Variants in EIPR1 observed in about 807,000 individuals in gnomAD.
EIPR1 encodes EARP and GARP complex-interacting protein 1.
In EIPR1, 25 loss-of-function variants were observed where a neutral mutation model predicts 48.1. That is an observed-to-expected ratio of 0.52 (90% CI 0.38 to 0.73). The LOEUF is 0.73. EIPR1 is among the 30% of genes least tolerant of loss of function. The probability of loss-of-function intolerance (pLI) is 0.00; values close to 1 mark genes in which losing one functional copy is unlikely to be tolerated. For missense variants in EIPR1, 415 were observed against 506.2 expected (o/e 0.82, Z 1.73); for synonymous variants, 204 against 201.9 (o/e 1.01, Z -0.09).
chr2:3,364,015 G>A (rs1471698043), intron 1 of EIPR1, among the ~76,000 whole-genome samples: 1 of 152,174 alleles, frequency 6.6e-6, no homozygotes, highest in African/African-American at 2.4e-5. Flanking sequence ...GAAAATAGCA[G>A]ATGCTGGCAA....
intron 3 of EIPR1, among the ~76,000 whole-genome samples, chr2:3,314,389 A>G (rs1172690014): frequency 3.3e-5 from 5 of 152,164 alleles, no homozygotes; most frequent in African/African-American, 1.2e-4. Context: ...TCTTTGCCAC[A>G]TCATTTTACA....
At chr2:3,308,874 A>C (rs1669036211) in intron 3 of EIPR1, among the ~76,000 whole-genome samples, 1 of 152,244 alleles carries the variant, frequency 6.6e-6, no homozygotes, top group South Asian at 2.1e-4. Context: ...GTCAACCTTG[A>C]AGTTTATATT....
At chr2:3,275,353 A>T (rs878917480) in intron 3 of EIPR1, among the ~76,000 whole-genome samples, 2 of 152,330 alleles carry the variant, frequency 1.3e-5, no homozygotes, top group Admixed American at 6.5e-5. Flanking sequence ...ATATGCCCTC[A>T]ATAAAATTAC....
At chr2:3,269,576 C>CATCGCACTCAATCATCGCACTCA (rs1667629202) in intron 3 of EIPR1, among the ~76,000 whole-genome samples, 1 of 80,246 alleles carries the variant, frequency 1.2e-5, no homozygotes, top group Non-Finnish European at 2.3e-5. Flanking sequence ...CGCACTCAGT[C>CATCGCACTCAATCATCGCACTCA]ATCGCACTCA....
chr2:3,225,262 G>GTA (rs1375596675), intron 4 of EIPR1, among the ~76,000 whole-genome samples: 17 of 146,230 alleles, frequency 1.2e-4, no homozygotes, highest in Non-Finnish European at 2.4e-4. Flanking sequence ...GTGTGTGTGT[G>GTA]TATGACAGGG....
At chr2:3,365,882 A>G (rs1670960220) in intron 1 of EIPR1, among the ~76,000 whole-genome samples, 1 of 152,080 alleles carries the variant, frequency 6.6e-6, no homozygotes, top group Non-Finnish European at 1.5e-5. Flanking sequence ...ACCTCTTTCT[A>G]CACAGACACG....
In EIPR1 at chr2:3,286,780, A is replaced by G. The variant is rs1668198503; in HGVS notation, c.260-29325T>C. On this transcript the variant is annotated intron_variant, in intron 3 of 8. Transcript: ENST00000382125. This position sits in a 1 kb window ranked among gnomAD's most constrained non-coding sequence, Gnocchi z 4.2. ...AGAGGCGGAGCTATCAATTTCACATACAGACAAGGAAACCAAGGCTTGGAG... is the reference window on the plus strand; with the variant it reads ...AGAGGCGGAGCTATCAATTTCACATGCAGACAAGGAAACCAAGGCTTGGAG... 6.6e-6 allele frequency among the ~76,000 whole-genome samples: 1 copy of G among 152,234 alleles called. No homozygotes were observed. Among genetic ancestry groups the G allele is most frequent in the Admixed American group, 6.5e-5 (1 of 15,288 alleles).
At chr2:3,289,680 C>T (rs988775352) in intron 3 of EIPR1, among the ~76,000 whole-genome samples, 1 of 152,236 alleles carries the variant, frequency 6.6e-6, no homozygotes, top group Non-Finnish European at 1.5e-5. Flanking sequence ...TTCACATTTC[C>T]CATGCTCATC....
In EIPR1 at chr2:3,308,692, A is replaced by C. The variant is rs531984177; in HGVS notation, c.259+29325T>G. Reference sequence around the variant, plus strand: ...ATCTCAAGTAGCATACACCCCAAGAAAGCTATTCCAAGACATGGCACGATT... The same window carrying C: ...ATCTCAAGTAGCATACACCCCAAGACAGCTATTCCAAGACATGGCACGATT... On this transcript the variant is annotated intron_variant, in intron 3 of 8. Transcript: ENST00000382125. 1.4e-4 allele frequency among the ~76,000 whole-genome samples: 22 copies of C among 152,314 alleles called. No individual in the cohort carries two copies. The South Asian group carries it at 4.6e-3, about 32-fold the overall frequency.
intron 5 of EIPR1, among the ~76,000 whole-genome samples, chr2:3,199,146 T>C (rs983510101): frequency 1.3e-5 from 2 of 149,414 alleles, no homozygotes; most frequent in Non-Finnish European, 3.0e-5. Context: ...CAGCGATATT[T>C]ATCTTATCCG....
At chr2:3,237,026 G>A (rs977338335) in intron 4 of EIPR1, among the ~76,000 whole-genome samples, 2 of 152,020 alleles carry the variant, frequency 1.3e-5, no homozygotes, top group Non-Finnish European at 2.9e-5. Context: ...GATTTCCTAC[G>A]GTGGCTGCAG....
intron 3 of EIPR1, among the ~76,000 whole-genome samples, chr2:3,266,532 G>A (rs1272613599): frequency 6.6e-6 from 1 of 152,226 alleles, no homozygotes; most frequent in Non-Finnish European, 1.5e-5. Context: ...AAGGCGGCAA[G>A]GCTGATGAGC....
rs1156474878 is a variant in EIPR1, at chr2:3,312,394, GC to G, written c.259+25622del. The stretch of plus-strand genomic sequence containing the variant: ...AGACAGTCCCTGGAAGGTTCTGTGT[GC>G]CTGCTGTGGGGATGAGACTCACGTC... On this transcript the variant is annotated intron_variant, in intron 3 of 8. Transcript: ENST00000382125. The surrounding 1 kb of genome is among the most constrained non-coding windows in gnomAD (Gnocchi z 5.5). Among the ~76,000 whole-genome samples, 2 of 152,142 alleles carry G rather than the reference GC, an allele frequency of 1.3e-5. No homozygotes were observed. Among genetic ancestry groups the G allele is most frequent in the African/African-American group, 4.8e-5 (2 of 41,412 alleles).
chr2:3,320,152 C>G, intron 3 of EIPR1: 1 of 195,286 alleles, frequency 5.1e-6, no homozygotes, highest in South Asian at 6.6e-5. Context: ...CAACACCACC[C>G]CTGCAGGCAA....
chr2:3,302,675 C>T (rs927009067), intron 3 of EIPR1, among the ~76,000 whole-genome samples: 1 of 152,256 alleles, frequency 6.6e-6, no homozygotes, highest in African/African-American at 2.4e-5. Context: ...AGCCCAGGCC[C>T]GCTGCGGATC....
At chr2:3,258,266 G>C (rs1425377704) in intron 3 of EIPR1, among the ~76,000 whole-genome samples, 1 of 152,206 alleles carries the variant, frequency 6.6e-6, no homozygotes, top group Non-Finnish European at 1.5e-5. Context: ...TGATGCTCTA[G>C]AAAATTTCTC....
At chr2:3,321,779 A>G (rs1397742065) in intron 3 of EIPR1, among the ~76,000 whole-genome samples, 2 of 152,206 alleles carry the variant, frequency 1.3e-5, no homozygotes, top group East Asian at 3.9e-4. Flanking sequence ...GGAACCCTCT[A>G]GTTCAGCACC....
chr2:3,304,249 G>A (rs532671533), intron 3 of EIPR1, among the ~76,000 whole-genome samples: 89 of 152,316 alleles, frequency 5.8e-4, no homozygotes, highest in South Asian at 1.9e-3. Context: ...TGGCGAGATC[G>A]GAGTTGAGAT....
At chr2:3,248,273 C>T (rs1040869444) in intron 4 of EIPR1, among the ~76,000 whole-genome samples, 20 of 152,146 alleles carry the variant, frequency 1.3e-4, no homozygotes, top group Non-Finnish European at 2.5e-4. Context: ...CATGGTGAAA[C>T]CCCATCTCTA....
Sources: allele counts gnomAD v4.1 joint callset (sites outside exome capture counted in the v4.1 genomes callset), GRCh38; gene constraint gnomAD v4.1.1; non-coding constraint Gnocchi (gnomAD v3.1); transcripts MANE v1.5; gene names NCBI Gene and HGNC (gene_info 2026-07-23, HGNC 2026-07-21).